The following SLC4A10 variants were observed in gnomAD, a reference collection of about 807,000 sequenced individuals.
SLC4A10 encodes the protein sodium-driven chloride bicarbonate exchanger.
SLC4A10 carries 42 observed loss-of-function variants against 137.7 expected under a neutral mutation model. The ratio of observed to expected loss-of-function variants is 0.30; its 90% confidence interval spans 0.24 to 0.39. The LOEUF (loss-of-function observed/expected upper bound fraction) is 0.39, where lower values mean the gene tolerates loss of function less well. Among genes scored for constraint, SLC4A10 ranks in the 10% least tolerant of loss-of-function variants. The pLI is 1.00. For synonymous variants in SLC4A10, 474 were observed against 464.1 expected (o/e 1.02, Z -0.27); for missense variants, 925 against 1,355.0 (o/e 0.68, Z 4.98).
At chr2:161,925,079 G>A (rs1333148007) in intron 15 of SLC4A10, among the ~76,000 whole-genome samples, 1 of 152,136 alleles carries the variant, frequency 6.6e-6, no homozygotes, top group Admixed American at 6.5e-5. Flanking sequence ...TTGTTCTGGA[G>A]TCATCTCACT....
chr2:161,893,430 C>T (rs2063118661), intron 10 of SLC4A10, among the ~76,000 whole-genome samples: 1 of 152,100 alleles, frequency 6.6e-6, no homozygotes, highest in South Asian at 2.1e-4. Flanking sequence ...GGTGCAGTAG[C>T]TCACACCTAT....
intron 12 of SLC4A10, chr2:161,902,247 A>G (rs1349432786): frequency 3.8e-6 from 1 of 261,712 alleles, no homozygotes; most frequent in Non-Finnish European, 7.7e-6. Context: ...TATTCAGACT[A>G]ATGTATGCTC....
chr2:161,720,051 C>A (rs1370289394), intron 1 of SLC4A10, among the ~76,000 whole-genome samples: 4 of 152,028 alleles, frequency 2.6e-5, no homozygotes, highest in African/African-American at 7.3e-5. Context: ...GTCTTTAATC[C>A]ATCTTGAATT....
chr2:161,890,584 C>T, intron 10 of SLC4A10, among the ~76,000 whole-genome samples: 1 of 152,088 alleles, frequency 6.6e-6, no homozygotes, highest in Admixed American at 6.5e-5. Flanking sequence ...GGTTTAAAGC[C>T]TGTTTTATTG....
intron 2 of SLC4A10, among the ~76,000 whole-genome samples, chr2:161,779,674 T>C (rs1212745624): frequency 2.0e-5 from 3 of 152,010 alleles, no homozygotes; most frequent in Non-Finnish European, 2.9e-5. Context: ...TTAGGGCTGG[T>C]CCTCTACTTT....
chr2:161,810,160 C>T (rs2056398977), intron 3 of SLC4A10, among the ~76,000 whole-genome samples: 3 of 151,854 alleles, frequency 2.0e-5, no homozygotes, highest in African/African-American at 4.8e-5. Flanking sequence ...TTTGACTTGG[C>T]TCTCTGATAC....
At chr2:161,828,571 C>T (rs2058182816) in intron 3 of SLC4A10, among the ~76,000 whole-genome samples, 2 of 146,014 alleles carry the variant, frequency 1.4e-5, no homozygotes, top group South Asian at 4.3e-4. Flanking sequence ...ATATTATTTA[C>T]CATATATTAT....
chr2:161,673,275 C>A (rs137947580), intron 1 of SLC4A10, among the ~76,000 whole-genome samples: 9 of 152,314 alleles, frequency 5.9e-5, no homozygotes, highest in African/African-American at 2.2e-4. Context: ...TCACACAATG[C>A]ATTCACTTGA....
chr2:161,725,678 C>G (rs2046142085), intron 1 of SLC4A10, among the ~76,000 whole-genome samples: 1 of 152,140 alleles, frequency 6.6e-6, no homozygotes, highest in Non-Finnish European at 1.5e-5. Context: ...TTTGAGATGT[C>G]TAAAGAAAAA....
chr2:161,729,848 G>A (rs1381214473), intron 1 of SLC4A10, among the ~76,000 whole-genome samples: 11 of 152,210 alleles, frequency 7.2e-5, no homozygotes, highest in Admixed American at 7.2e-4. Context: ...CATAGGATGA[G>A]AAGTGACTTA....
chr2:161,725,263 C>G lies in SLC4A10; in HGVS notation c.49-45710C>G, dbSNP rs553035919. On this transcript the variant is annotated intron_variant, in intron 1 of 26. Transcript: ENST00000446997. Reference sequence around the variant, plus strand: ...ATGGCACATTGACTAGAAGCATTGACCTGTCTTCAAACTCTTTCCACTTTT... The same window carrying G: ...ATGGCACATTGACTAGAAGCATTGAGCTGTCTTCAAACTCTTTCCACTTTT... 7.2e-5 allele frequency among the ~76,000 whole-genome samples: 11 copies of G among 152,238 alleles called. No individual in the cohort carries two copies. In the East Asian group the frequency reaches 2.1e-3, roughly 29 times the overall value.
At chr2:161,928,809 C>T (rs1374187954) in intron 15 of SLC4A10, among the ~76,000 whole-genome samples, 2 of 151,890 alleles carry the variant, frequency 1.3e-5, no homozygotes, top group South Asian at 2.1e-4. Flanking sequence ...CACTATATGC[C>T]ATGCGTATAG....
At chr2:161,907,013 G>A (rs1575579930) in intron 15 of SLC4A10, among the ~76,000 whole-genome samples, 1 of 134,962 alleles carries the variant, frequency 7.4e-6, no homozygotes, top group African/African-American at 2.8e-5. Context: ...CTGAGATCGC[G>A]CCACTGCACT....
At chr2:161,661,588 C>T (rs917587078) in intron 1 of SLC4A10, among the ~76,000 whole-genome samples, 2 of 152,208 alleles carry the variant, frequency 1.3e-5, no homozygotes. Context: ...TACTTAGCTT[C>T]TGTTTGAAAG....
chr2:161,671,704 A>G (rs1022644401), intron 1 of SLC4A10, among the ~76,000 whole-genome samples: 19 of 152,126 alleles, frequency 1.2e-4, no homozygotes, highest in Non-Finnish European at 1.6e-4. Context: ...AAAACAGACA[A>G]AACATCGTCT....
At chr2:161,664,699 G>A (rs1216746991) in intron 1 of SLC4A10, among the ~76,000 whole-genome samples, 1 of 95,584 alleles carries the variant, frequency 1.0e-5, no homozygotes, top group African/African-American at 3.8e-5. Context: ...AGTTTAGTGG[G>A]GATTTTTTCT....
At chr2:161,749,861 G>C (rs1482424781) in intron 1 of SLC4A10, among the ~76,000 whole-genome samples, 1 of 151,708 alleles carries the variant, frequency 6.6e-6, no homozygotes, top group Non-Finnish European at 1.5e-5. Context: ...TTGAATGATT[G>C]GAAGAATTCA....
chr2:161,698,570 G>A (rs183407498), intron 1 of SLC4A10, among the ~76,000 whole-genome samples: 10 of 152,232 alleles, frequency 6.6e-5, no homozygotes, highest in Admixed American at 1.3e-4. Flanking sequence ...ATAACCATGA[G>A]GTTTTTGTTG....
At chr2:161,834,079 A>G (rs955996187) in intron 3 of SLC4A10, among the ~76,000 whole-genome samples, 3 of 152,274 alleles carry the variant, frequency 2.0e-5, no homozygotes, top group Non-Finnish European at 4.4e-5. Context: ...TTCTTATTAC[A>G]GAAACCTCAG....
Sources: allele counts gnomAD v4.1 joint callset (sites outside exome capture counted in the v4.1 genomes callset), GRCh38; gene constraint gnomAD v4.1.1; transcripts MANE v1.5; gene names NCBI Gene and HGNC (gene_info 2026-07-23, HGNC 2026-07-21).